KCNQ3: variants seen among roughly 807,000 people sequenced by gnomAD.
KCNQ3 encodes potassium voltage-gated channel subfamily KQT member 3.
A neutral mutation model predicts 92.5 loss-of-function variants in KCNQ3; 30 were observed. The ratio of observed to expected loss-of-function variants is 0.32; its 90% confidence interval spans 0.24 to 0.44. KCNQ3 has a LOEUF of 0.44. Among genes scored for constraint, KCNQ3 ranks in the 20% least tolerant of loss-of-function variants. KCNQ3 has a pLI of 1.00. For synonymous variants in KCNQ3, 450 were observed against 468.8 expected, an observed-to-expected ratio of 0.96 and a Z score of 0.52; for missense variants, 913 against 1,140.3, an observed-to-expected ratio of 0.80 and a Z score of 2.87.
intron 7 of KCNQ3, among the ~76,000 whole-genome samples, chr8:132,172,095 G>A (rs574373095): frequency 1.3e-5 from 2 of 152,192 alleles, no homozygotes; most frequent in East Asian, 1.9e-4. Flanking sequence ...GCTGAGGTGG[G>A]AGGATTGCTT....
chr8:132,333,607 A>G (rs1818288724), intron 1 of KCNQ3, among the ~76,000 whole-genome samples: 1 of 152,236 alleles, frequency 6.6e-6, no homozygotes, highest in South Asian at 2.1e-4. Context: ...TTTTTGACCT[A>G]TGGATTTTGT....
intron 6 of KCNQ3, 38 bp downstream of exon 6, chr8:132,174,201 A>G (rs376004265): frequency 6.3e-6 from 9 of 1,431,268 alleles, no homozygotes; most frequent in Non-Finnish European, 8.7e-6. Context: ...GGGGTCCTGC[A>G]CGTCACATTG....
chr8:132,444,056 C>T (rs1385542519), intron 1 of KCNQ3, among the ~76,000 whole-genome samples: 1 of 152,126 alleles, frequency 6.6e-6, no homozygotes, highest in Non-Finnish European at 1.5e-5. Flanking sequence ...AGTGACACAA[C>T]TGGCAAGTTA....
intron 11 of KCNQ3, 47 bp from the exon 12 acceptor site, chr8:132,138,063 G>A (rs766549107): frequency 4.7e-5 from 75 of 1,596,874 alleles, no homozygotes; most frequent in Middle Eastern, 1.7e-4. Flanking sequence ...TGGAGAGTGC[G>A]GGGAGCTATA....
chr8:132,303,578 ATGGTGTGTGTGTATATATATATGGTGTG>A lies in KCNQ3; in HGVS notation c.387-117425_387-117398del, dbSNP rs1157044685. Reference sequence around the variant, plus strand: ...TAAAGAAAATGTGATATATATATATATGGTGTGTGTGTATATATATATGGTGTGTATATATATATATATATATATATAT... The same window carrying A: ...TAAAGAAAATGTGATATATATATATATATATATATATATATATATATATAT... On this transcript the variant is annotated intron_variant, in intron 1 of 14. Transcript: ENST00000388996. Among the ~76,000 whole-genome samples, 267 of 37,538 alleles carry A rather than the reference ATGGTGTGTGTGTATATATATATGGTGTG, an allele frequency of 7.1e-3. 3 individuals carry two copies. Among genetic ancestry groups the A allele is most frequent in the South Asian group, 9.9e-3 (10 of 1,008 alleles). 24.6% of individuals were successfully genotyped at this position (37,538 alleles called of 152,430 possible). A position where few individuals can be genotyped will look rare whatever the true frequency, so the allele number is the denominator to read the frequency against.
intron 12 of KCNQ3, among the ~76,000 whole-genome samples, chr8:132,135,827 G>T (rs1422034070): frequency 1.3e-5 from 2 of 152,094 alleles, no homozygotes; most frequent in Non-Finnish European, 2.9e-5. Context: ...TGATATTCCA[G>T]TTAGGGATAA....
At chr8:132,269,815 T>G (rs980569109) in intron 1 of KCNQ3, among the ~76,000 whole-genome samples, 1 of 152,146 alleles carries the variant, frequency 6.6e-6, no homozygotes, top group Non-Finnish European at 1.5e-5. Context: ...CTACCCTCTT[T>G]CTATGACAAC....
At chr8:132,330,287 C>A (rs767839060) in intron 1 of KCNQ3, among the ~76,000 whole-genome samples, 5 of 152,192 alleles carry the variant, frequency 3.3e-5, no homozygotes, top group Admixed American at 6.5e-5. Context: ...CTTCTGGCCA[C>A]CAGAACTGTG....
At chr8:132,443,269 T>C in intron 1 of KCNQ3, among the ~76,000 whole-genome samples, 1 of 150,606 alleles carries the variant, frequency 6.6e-6, no homozygotes, top group Non-Finnish European at 1.5e-5. Flanking sequence ...CCCCCAGCAC[T>C]ACCAATTAGA....
intron 1 of KCNQ3, among the ~76,000 whole-genome samples, chr8:132,229,148 G>A (rs1814542244): frequency 6.6e-6 from 1 of 152,084 alleles, no homozygotes; most frequent in South Asian, 2.1e-4. Context: ...CAGCTACTTG[G>A]GAGGCTGAGG....
In KCNQ3 at chr8:132,132,221, C is replaced by G. The variant is rs1824907748; in HGVS notation, c.1843G>C (p.Asp615His). 1.2e-6 allele frequency: 2 copies of G among 1,613,922 alleles called. No individual in the cohort carries two copies. The highest frequency in any genetic ancestry group is 3.3e-4 in the Middle Eastern group (2 of 6,062). Residue 615 changes from aspartate (D) to histidine (H), a missense_variant, in exon 14 of 15, where the codon GAC becomes CAC. Asp to His is a moderately conservative substitution (Grantham distance 81, BLOSUM62 -1). Around this residue, in one of 6 missense-constraint regions of KCNQ3, gnomAD observed 375 missense variants for 376.4 expected, o/e 1.00. Coordinates refer to ENST00000388996, the MANE Select transcript of KCNQ3 (RefSeq NM_004519.4). ...VARPSTSEIE[D>H]QSMMGKFVKV... The stretch of plus-strand genomic sequence containing the variant: ...ACAAACTTCCCCATCATGCTTTGGT[C>G]TTCGATTTCTGATGTGGATGGTCTG...
At chr8:132,159,098 A>G (rs1825901423) in intron 9 of KCNQ3, among the ~76,000 whole-genome samples, 1 of 152,230 alleles carries the variant, frequency 6.6e-6, no homozygotes, top group African/African-American at 2.4e-5. Context: ...GTCCATAATT[A>G]TCAGCACTGT....
At chr8:132,166,448 C>A (rs1286929158) in intron 8 of KCNQ3, among the ~76,000 whole-genome samples, 2 of 152,280 alleles carry the variant, frequency 1.3e-5, no homozygotes, top group East Asian at 3.9e-4. Context: ...TCCTGTACCC[C>A]CTCGGACCCT....
In KCNQ3 at chr8:132,186,152, AG is replaced by A; in HGVS notation, c.415del (p.Leu139TrpfsTer4). ...CTCCTTGAATGTGGTCAGGACAGCC[AG>A]AATCAAGCACCCCAGGACAATCAGG... ...VFLIVLGCLI[L>X]AVLTTFKEYE... On this transcript the variant is annotated frameshift_variant, in exon 2 of 15. Transcript: ENST00000388996. LOFTEE classifies it high-confidence loss of function. 1 of 1,613,956 alleles carries A rather than the reference AG, an allele frequency of 6.2e-7. No individual in the cohort carries two copies. The highest frequency in any genetic ancestry group is 8.5e-7 in the Non-Finnish European group (1 of 1,179,790).
intron 1 of KCNQ3, among the ~76,000 whole-genome samples, chr8:132,371,094 T>C (rs987023089): frequency 1.3e-5 from 2 of 152,202 alleles, no homozygotes; most frequent in African/African-American, 4.8e-5. Flanking sequence ...GATACATTTG[T>C]TGTTGACTCC....
chr8:132,323,967 C>T (rs1319784480), intron 1 of KCNQ3, among the ~76,000 whole-genome samples: 1 of 152,170 alleles, frequency 6.6e-6, no homozygotes, highest in Non-Finnish European at 1.5e-5. Context: ...ATCTCTTCAG[C>T]CTCCTCTCCC....
chr8:132,458,089 T>C (rs2130855940), intron 1 of KCNQ3, among the ~76,000 whole-genome samples: 1 of 152,272 alleles, frequency 6.6e-6, no homozygotes, highest in South Asian at 2.1e-4. Context: ...AGTCCAGGCA[T>C]CCTGACTCCT....
chr8:132,341,670 C>T (rs546689159), intron 1 of KCNQ3, among the ~76,000 whole-genome samples: 41 of 152,334 alleles, frequency 2.7e-4, no homozygotes, highest in Non-Finnish European at 5.0e-4. Context: ...GACCTGGTTT[C>T]TCTGTCATAA....
intron 1 of KCNQ3, chr8:132,187,329 G>A (rs1345609219): frequency 8.9e-6 from 4 of 449,408 alleles, no homozygotes; most frequent in Non-Finnish European, 9.0e-6. Context: ...TAAACAGAAA[G>A]TTGTCTCATG....
Sources: gnomAD v4.1 joint callset for allele counts (sites outside exome capture counted in the v4.1 genomes callset) on GRCh38, gnomAD v4.1.1 for gene constraint, gnomAD v4.1.1 regional missense constraint, MANE v1.5 for transcripts, NCBI Gene and HGNC (gene_info 2026-07-23, HGNC 2026-07-21) for gene names.